Variants in FGF13 observed in about 807,000 individuals in gnomAD.
FGF13 encodes fibroblast growth factor 13.
FGF13 carries 2 observed loss-of-function variants against 19.5 expected under a neutral mutation model. That is an observed-to-expected ratio of 0.10 (90% confidence interval 0.04 to 0.32). The LOEUF (loss-of-function observed/expected upper bound fraction) is 0.32. Among genes scored for constraint, FGF13 ranks in the 10% least tolerant of loss-of-function variants. The probability of loss-of-function intolerance (pLI) is 1.00; values close to 1 mark genes in which losing one functional copy is unlikely to be tolerated. For synonymous variants in FGF13, 72 were observed against 76.9 expected (o/e 0.94, Z 0.33); for missense variants, 113 against 192.7 (o/e 0.59, Z 2.45).
intron 1 of FGF13, among the ~76,000 whole-genome samples, chrX:138,889,316 C>T (rs186720074): frequency 4.5e-5 from 5 of 112,280 alleles, no homozygotes; most frequent in Non-Finnish European, 7.5e-5. Context: ...CTATGCCAAG[C>T]ACAGTGATGT....
chrX:138,857,426 C>G, downstream of FGF13: 1 of 994,005 alleles, frequency 1.0e-6, no homozygotes, highest in Non-Finnish European at 1.4e-6. Flanking sequence ...ACACAGCACA[C>G]CAGAGGGCAA....
intron 1 of FGF13, among the ~76,000 whole-genome samples, chrX:138,934,943 A>C (rs1415763104): frequency 9.0e-6 from 1 of 111,498 alleles, no homozygotes; most frequent in Non-Finnish European, 1.9e-5. Context: ...ATATTACTAA[A>C]CATAATCTAG....
At chrX:138,664,294 G>A (rs540773774) in intron 3 of FGF13, among the ~76,000 whole-genome samples, 4 of 111,951 alleles carry the variant, frequency 3.6e-5, no homozygotes, top group African/African-American at 1.3e-4. Context: ...GTCCCTTGAA[G>A]ACATAAATGT....
intron 3 of FGF13, among the ~76,000 whole-genome samples, chrX:138,649,079 G>T (rs187240600): frequency 3.5e-3 from 393 of 111,674 alleles, no homozygotes; most frequent in African/African-American, 0.012. Context: ...CAATATATTT[G>T]CATTTAGTCT....
chrX:138,668,921 T>C (rs929654132), intron 3 of FGF13, among the ~76,000 whole-genome samples: 4 of 110,901 alleles, frequency 3.6e-5, no homozygotes, highest in African/African-American at 9.8e-5. Flanking sequence ...CTAGCGACAT[T>C]AGCAGGAGGA....
chrX:139,072,931 C>T (rs943905166), intron 1 of FGF13, among the ~76,000 whole-genome samples: 1 of 111,441 alleles, frequency 9.0e-6, no homozygotes, highest in Non-Finnish European at 1.9e-5. Flanking sequence ...TTGCATTTTG[C>T]GTGATTTCTT....
At chrX:138,772,022 A>G (rs1210158458) in intron 3 of FGF13, among the ~76,000 whole-genome samples, 836 of 26,018 alleles carry the variant, frequency 0.032, 10 homozygotes, top group African/African-American at 0.048. Flanking sequence ...ATATGTGTAT[A>G]TATATATATA....
chrX:138,737,225 G>A (rs2090283933), intron 1 of FGF13, among the ~76,000 whole-genome samples: 2 of 111,051 alleles, frequency 1.8e-5, no homozygotes, highest in South Asian at 3.8e-4. Flanking sequence ...TTGTGGATGC[G>A]GTGGCTGGGA....
At chrX:139,123,972 C>T (rs1051339608) in intron 1 of FGF13, among the ~76,000 whole-genome samples, 6 of 112,127 alleles carry the variant, frequency 5.4e-5, no homozygotes, top group Admixed American at 9.5e-5. Flanking sequence ...TGCCTATATA[C>T]GAGTAGGGAG....
Position 138,632,861 on chromosome X carries a change from C to G in FGF13, c.727G>C (p.Glu243Gln). Residue 243 changes from glutamate (E) to glutamine (Q), a missense_variant, in exon 5 of 5, where the codon GAA becomes CAA. By Grantham distance (29) the Glu-to-Gln change is conservative. Transcript: ENST00000315930. The part of the protein sequence containing the change: ...LNGGKSMSHN[E>Q]ST ...TTTGCCCTCACTGGCTACGTTGATT[C>G]ATTGTGGCTCATGGATTTGCCTCCG... The G allele has an allele frequency of 1.7e-6, 2 of 1,208,490 alleles. No homozygotes were observed. Among genetic ancestry groups the G allele is most frequent in the Non-Finnish European group, 2.2e-6 (2 of 893,648 alleles).
At chrX:139,109,019 C>T (rs1012490074) in intron 1 of FGF13, among the ~76,000 whole-genome samples, 1 of 111,472 alleles carries the variant, frequency 9.0e-6, no homozygotes, top group Non-Finnish European at 1.9e-5. Flanking sequence ...GACATGCTCT[C>T]GTTCCTTTTT....
chrX:138,830,523 C>T (rs1205121410), intron 3 of FGF13, among the ~76,000 whole-genome samples: 2 of 111,687 alleles, frequency 1.8e-5, no homozygotes, highest in African/African-American at 6.5e-5. Flanking sequence ...AATATCTAAG[C>T]AGTATAGCAT....
Position 138,679,236 on chromosome X carries a change from C to T in FGF13, c.402+23748G>A, listed in dbSNP as rs2089703962. ...GGACTACAAGCACATGCCACCACAC[C>T]CCGCTAATTTTTTTTTTCTTTTTGT... On this transcript the variant is annotated intron_variant, in intron 3 of 4. Coordinates refer to ENST00000315930, the MANE Select transcript of FGF13 (RefSeq NM_004114.5). Among the ~76,000 whole-genome samples the T allele has an allele frequency of 5.4e-5, 6 of 110,319 alleles. No homozygotes were observed. The Admixed American group carries it at 5.8e-4, about 11-fold the overall frequency.
intron 1 of FGF13, among the ~76,000 whole-genome samples, chrX:138,971,410 G>A (rs2091915061): frequency 8.9e-6 from 1 of 111,942 alleles, no homozygotes; most frequent in Non-Finnish European, 1.9e-5. Context: ...AATAATAATT[G>A]CACATATTTA....
In FGF13 at chrX:138,627,304, C is replaced by T. The variant is rs1390636454; in HGVS notation, c.*5546G>A. ...GATTTTACTCAATCATTATCCCATA[C>T]GTTTCTCTTACTCTAATTGCTAACT... On this transcript the variant is annotated 3_prime_UTR_variant, in exon 5 of 5. Transcript: ENST00000315930. The T allele has an allele frequency of 9.0e-6, 1 of 111,674 alleles. No individual in the cohort carries two copies. Among genetic ancestry groups the T allele is most frequent in the Non-Finnish European group, 1.9e-5 (1 of 53,186 alleles). The allele number at this position is 111,674 out of a possible 1,213,427, so 9.2% of individuals were successfully genotyped here. A position where few individuals can be genotyped will look rare whatever the true frequency, so the allele number is the denominator to read the frequency against.
At chrX:139,185,530 T>C (rs2084275797) in intron 1 of FGF13, among the ~76,000 whole-genome samples, 1 of 111,770 alleles carries the variant, frequency 8.9e-6, no homozygotes, top group Non-Finnish European at 1.9e-5. Context: ...ACCATATTGC[T>C]ACAAGACTAT....
At chrX:138,862,968 C>T (rs887411496) in intron 2 of FGF13, among the ~76,000 whole-genome samples, 1 of 110,631 alleles carries the variant, frequency 9.0e-6, no homozygotes, top group Non-Finnish European at 1.9e-5. Context: ...CCCTCACCTC[C>T]TCAATTTTAT....
At chrX:139,177,520 T>C (rs2084198361) in intron 1 of FGF13, among the ~76,000 whole-genome samples, 1 of 111,642 alleles carries the variant, frequency 9.0e-6, no homozygotes, top group Admixed American at 9.5e-5. Context: ...ACAGTGTTGA[T>C]GGTCTTTACA....
chrX:139,088,696 T>G (rs1023226499), intron 1 of FGF13, among the ~76,000 whole-genome samples: 2 of 111,690 alleles, frequency 1.8e-5, no homozygotes, highest in Non-Finnish European at 3.8e-5. Flanking sequence ...TTGACTGCTG[T>G]GATTTTCCAC....
Sources: allele counts gnomAD v4.1 joint callset (sites outside exome capture counted in the v4.1 genomes callset), GRCh38; gene constraint gnomAD v4.1.1; transcripts MANE v1.5; gene names NCBI Gene and HGNC (gene_info 2026-07-23, HGNC 2026-07-21).